CAMTA1: variants seen among roughly 807,000 people sequenced by gnomAD.
The protein encoded by CAMTA1 is calmodulin-binding transcription activator 1.
In CAMTA1, 27 loss-of-function variants were observed where a neutral mutation model predicts 170.9. That is an observed-to-expected ratio of 0.16 (90% confidence interval 0.12 to 0.22). The LOEUF is 0.22. Among genes scored for constraint, CAMTA1 ranks in the 10% least tolerant of loss-of-function variants. The probability of loss-of-function intolerance (pLI) is 1.00; values close to 1 mark genes in which losing one functional copy is unlikely to be tolerated. For synonymous variants in CAMTA1, 833 were observed against 891.5 expected, an observed-to-expected ratio of 0.93 and a Z score of 1.17; for missense variants, 1,619 against 2,217.2, an observed-to-expected ratio of 0.73 and a Z score of 5.42.
At chr1:6,945,930 A>G (rs192657674) in intron 3 of CAMTA1, among the ~76,000 whole-genome samples, 7 of 152,274 alleles carry the variant, frequency 4.6e-5, no homozygotes, top group Non-Finnish European at 7.4e-5. Flanking sequence ...GTTTGCTTCC[A>G]CTTTTGGGCT....
intron 1 of CAMTA1, among the ~76,000 whole-genome samples, chr1:6,816,874 T>C (rs1324151565): frequency 6.6e-6 from 1 of 152,214 alleles, no homozygotes; most frequent in Non-Finnish European, 1.5e-5. Flanking sequence ...CAGGGGTATC[T>C]AGTACAAGGT....
intron 4 of CAMTA1, among the ~76,000 whole-genome samples, chr1:7,103,567 A>ATGT (rs1643070956): frequency 1.8e-5 from 1 of 56,082 alleles, no homozygotes; most frequent in East Asian, 3.0e-4. Context: ...ACATACACAC[A>ATGT]ACACAACTAC....
At chr1:7,055,343 G>A (rs942322672) in intron 3 of CAMTA1, among the ~76,000 whole-genome samples, 2 of 152,132 alleles carry the variant, frequency 1.3e-5, no homozygotes, top group Non-Finnish European at 2.9e-5. Flanking sequence ...CAGCAGTGTT[G>A]AGCATCTGTG....
At chr1:7,726,217 A>ATT (rs138800110) in intron 11 of CAMTA1, among the ~76,000 whole-genome samples, 29 of 151,496 alleles carry the variant, frequency 1.9e-4, no homozygotes, top group East Asian at 5.8e-4. Flanking sequence ...CTGTCAAAGG[A>ATT]TTTTTTTTTG....
intron 5 of CAMTA1, among the ~76,000 whole-genome samples, chr1:7,252,451 G>C (rs1401961436): frequency 6.6e-6 from 1 of 152,222 alleles, no homozygotes. Context: ...CATCTCACCA[G>C]CATTTCTGCT....
intron 5 of CAMTA1, among the ~76,000 whole-genome samples, chr1:7,347,508 T>G (rs917520396): frequency 1.3e-5 from 2 of 152,258 alleles, no homozygotes; most frequent in African/African-American, 4.8e-5. Flanking sequence ...TTCTCCTCGC[T>G]TGCAGGGAGC....
In CAMTA1 at chr1:7,736,587, G is replaced by A. The variant is rs368678490; in HGVS notation, c.3263+47G>A. The A allele has an allele frequency of 3.8e-6, 6 of 1,565,934 alleles. No individual in the cohort carries two copies. Among genetic ancestry groups the A allele is most frequent in the Admixed American group, 3.3e-5 (2 of 59,742 alleles). On this transcript the variant is annotated intron_variant, in intron 13 of 22. Transcript: ENST00000303635. The surrounding 1 kb of genome is among the most constrained non-coding windows in gnomAD (Gnocchi z 4.5). Reference sequence around the variant, plus strand: ...CTGGGGGTCAGCCTCGCACATCCTCGCTCACATTCTTCCTGAGCACTGCCA... The same window carrying A: ...CTGGGGGTCAGCCTCGCACATCCTCACTCACATTCTTCCTGAGCACTGCCA...
chr1:6,930,364 C>G (rs1179073312), intron 3 of CAMTA1, among the ~76,000 whole-genome samples: 1 of 152,148 alleles, frequency 6.6e-6, no homozygotes, highest in Admixed American at 6.5e-5. Flanking sequence ...GAGTATGTGG[C>G]AGAAACAGAT....
At chr1:7,161,077 T>C (rs1647185263) in intron 4 of CAMTA1, among the ~76,000 whole-genome samples, 1 of 152,242 alleles carries the variant, frequency 6.6e-6, no homozygotes, top group Admixed American at 6.5e-5. Context: ...TACTTCATTC[T>C]ATAAACCTCA....
At chr1:7,458,455 CA>C (rs978430114) in intron 5 of CAMTA1, among the ~76,000 whole-genome samples, 5 of 152,108 alleles carry the variant, frequency 3.3e-5, no homozygotes, top group African/African-American at 1.2e-4. Context: ...TCCACTATGG[CA>C]GAAAGAGTGA....
chr1:7,446,256 C>T (rs1319660038), intron 5 of CAMTA1, among the ~76,000 whole-genome samples: 3 of 151,108 alleles, frequency 2.0e-5, no homozygotes, highest in Non-Finnish European at 2.9e-5. Flanking sequence ...CCCCCATTTT[C>T]CTCTCCCTAT....
chr1:7,324,806 CAAA>C (rs35937100), intron 5 of CAMTA1, among the ~76,000 whole-genome samples: 2 of 128,496 alleles, frequency 1.6e-5, no homozygotes, highest in African/African-American at 3.0e-5. Context: ...GACTCCATCT[CAAA>C]AAAAAAAAAA....
chr1:7,261,233 G>T (rs560220140), intron 5 of CAMTA1, among the ~76,000 whole-genome samples: 4 of 152,132 alleles, frequency 2.6e-5, no homozygotes, highest in Admixed American at 2.0e-4. Context: ...TCCTTTGTGC[G>T]TCGAGGATGC....
chr1:6,947,503 C>T (rs558367628), intron 3 of CAMTA1, among the ~76,000 whole-genome samples: 1 of 151,930 alleles, frequency 6.6e-6, no homozygotes, highest in African/African-American at 2.4e-5. Flanking sequence ...ACCTCAGCCT[C>T]CTGAGTAGCT....
chr1:7,025,571 G>A (rs1488941039), intron 3 of CAMTA1, among the ~76,000 whole-genome samples: 1 of 152,204 alleles, frequency 6.6e-6, no homozygotes, highest in Non-Finnish European at 1.5e-5. Flanking sequence ...GCCAGGCACT[G>A]GGCCAGATGC....
chr1:7,000,062 C>T (rs189232152), intron 3 of CAMTA1, among the ~76,000 whole-genome samples: 2 of 152,318 alleles, frequency 1.3e-5, no homozygotes, highest in East Asian at 3.9e-4. Context: ...TTGTCTGGGC[C>T]CTGGTACCAG....
At chr1:7,607,270 G>A (rs1015806148) in intron 6 of CAMTA1, among the ~76,000 whole-genome samples, 1 of 151,898 alleles carries the variant, frequency 6.6e-6, no homozygotes, top group African/African-American at 2.4e-5. Context: ...GTAGCTGGAT[G>A]GATGGATGGA....
intron 5 of CAMTA1, among the ~76,000 whole-genome samples, chr1:7,310,590 TTTTCTTTTC>T (rs1460854536): frequency 9.9e-6 from 1 of 101,340 alleles, no homozygotes. Flanking sequence ...TTTCTTTTTC[TTTTCTTTTC>T]TTTTCTTTCT....
chr1:7,528,646 C>T (rs902650180), intron 6 of CAMTA1, among the ~76,000 whole-genome samples: 7 of 151,860 alleles, frequency 4.6e-5, no homozygotes, highest in African/African-American at 1.2e-4. Context: ...AAGATGGTGG[C>T]GTGCCCTATT....
Sources: allele counts gnomAD v4.1 joint callset (sites outside exome capture counted in the v4.1 genomes callset), GRCh38; gene constraint gnomAD v4.1.1; non-coding constraint Gnocchi (gnomAD v3.1); transcripts MANE v1.5; gene names NCBI Gene and HGNC (gene_info 2026-07-23, HGNC 2026-07-21).